PRKN: variants seen among roughly 807,000 people sequenced by gnomAD.
The protein encoded by PRKN is parkin RBR E3 ubiquitin protein ligase.
A neutral mutation model predicts 59.5 loss-of-function variants in PRKN; 56 were observed. The observed-to-expected ratio is 0.94, with a 90% CI of 0.76 to 1.18. The LOEUF (loss-of-function observed/expected upper bound fraction) is 1.18. Ranked by LOEUF, PRKN falls within the 50% of genes most tolerant of loss-of-function variation. The pLI, the probability that PRKN is intolerant of heterozygous loss-of-function variation, is 0.00. For missense variants in PRKN, 657 were observed against 596.4 expected, an observed-to-expected ratio of 1.10 and a Z score of -1.06; for synonymous variants, 250 against 222.1, an observed-to-expected ratio of 1.13 and a Z score of -1.12.
At position 162,469,349 on chromosome 6, in the gene PRKN, C is replaced by CGG. The variant is rs1562787728; in HGVS notation, c.8-25877_8-25876insCC. 8.7e-5 allele frequency among the ~76,000 whole-genome samples: 5 copies of CGG among 57,792 alleles called. 1 individual carries two copies. The South Asian group carries it at 2.6e-3, about 30-fold the overall frequency. 37.9% of individuals were successfully genotyped at this position (57,792 alleles called of 152,430 possible). ...GAATGTTAAGAAAGTGGGGGGGTTG[C>CGG]AGGGGGGGGTGGGTGACAGAGGAAG... On this transcript the variant is annotated intron_variant, in intron 1 of 11. Coordinates refer to ENST00000366898, the MANE Select transcript of PRKN (RefSeq NM_004562.3).
intron 4 of PRKN, among the ~76,000 whole-genome samples, chr6:162,091,295 C>T (rs1231213606): frequency 1.3e-5 from 2 of 151,914 alleles, no homozygotes; most frequent in East Asian, 1.9e-4. Flanking sequence ...TAACTGCCTA[C>T]AAAAAGACAG....
intron 2 of PRKN, among the ~76,000 whole-genome samples, chr6:162,347,370 A>T (rs1024102023): frequency 1.5e-4 from 23 of 151,890 alleles, no homozygotes; most frequent in Middle Eastern, 3.4e-3. Context: ...CTACATTAAT[A>T]ATACCATCTA....
chr6:162,165,794 A>G (rs1348299410), intron 4 of PRKN, among the ~76,000 whole-genome samples: 6 of 151,568 alleles, frequency 4.0e-5, no homozygotes, highest in Non-Finnish European at 7.4e-5. Context: ...CATGCCTGTA[A>G]TCTCAGCACT....
At chr6:162,481,444 G>A (rs1460021214) in intron 1 of PRKN, among the ~76,000 whole-genome samples, 1 of 152,002 alleles carries the variant, frequency 6.6e-6, no homozygotes, top group Admixed American at 6.6e-5. Context: ...CACTACTGGT[G>A]GGGGAAAAAA....
intron 8 of PRKN, among the ~76,000 whole-genome samples, chr6:161,557,322 G>T (rs1234786180): frequency 6.6e-6 from 1 of 152,124 alleles, no homozygotes; most frequent in Non-Finnish European, 1.5e-5. Flanking sequence ...CGTATTTTAA[G>T]AATTTAAATA....
chr6:161,706,713 AC>A (rs1786515810), intron 7 of PRKN, among the ~76,000 whole-genome samples: 1 of 152,102 alleles, frequency 6.6e-6, no homozygotes, highest in South Asian at 2.1e-4. Context: ...GTGTACCACC[AC>A]ACACAGCTAA....
chr6:161,532,162 CTCTCTA>C (rs1448784349), intron 9 of PRKN, among the ~76,000 whole-genome samples: 215 of 83,618 alleles, frequency 2.6e-3, no homozygotes, highest in African/African-American at 7.4e-3. Flanking sequence ...CTCTCTCTCT[CTCTCTA>C]TATATATATA....
At chr6:162,679,105 T>A (rs568881825) in intron 1 of PRKN, among the ~76,000 whole-genome samples, 136 of 150,742 alleles carry the variant, frequency 9.0e-4, no homozygotes, top group African/African-American at 3.2e-3. Context: ...TTTATTTATT[T>A]ATTTATGAAT....
At chr6:161,596,755 A>G (rs1781929135) in intron 7 of PRKN, among the ~76,000 whole-genome samples, 1 of 152,192 alleles carries the variant, frequency 6.6e-6, no homozygotes, top group Non-Finnish European at 1.5e-5. Context: ...CATTAGTTAT[A>G]ACAATGGTTG....
intron 7 of PRKN, among the ~76,000 whole-genome samples, chr6:161,664,793 C>CT (rs60215581): frequency 0.3 from 44,241 of 145,180 alleles, 7,409 homozygotes; most frequent in African/African-American, 0.45. Context: ...CTGACTTTTT[C>CT]TTTTTTTTTT....
intron 7 of PRKN, among the ~76,000 whole-genome samples, chr6:161,586,178 G>C (rs138970305): frequency 1.3e-5 from 2 of 152,182 alleles, no homozygotes; most frequent in East Asian, 3.9e-4. Context: ...ACCATGCCTA[G>C]CTAAGTTTTA....
At chr6:162,606,325 G>A (rs553015653) in intron 1 of PRKN, among the ~76,000 whole-genome samples, 4 of 152,218 alleles carry the variant, frequency 2.6e-5, no homozygotes, top group Admixed American at 6.5e-5. Flanking sequence ...TGCTTAGAGC[G>A]CTTAGATTAT....
chr6:161,450,747 G>T (rs1789698178), intron 9 of PRKN, among the ~76,000 whole-genome samples: 3 of 152,116 alleles, frequency 2.0e-5, no homozygotes, highest in Non-Finnish European at 2.9e-5. Context: ...AGTAGAGACA[G>T]GGTTTCACTG....
At chr6:161,609,279 C>G (rs1042003305) in intron 7 of PRKN, among the ~76,000 whole-genome samples, 6 of 152,200 alleles carry the variant, frequency 3.9e-5, no homozygotes, top group African/African-American at 1.4e-4. Flanking sequence ...AAAAGTGTCT[C>G]ATATATTTCT....
chr6:162,465,129 C>T (rs1229574730), intron 1 of PRKN, among the ~76,000 whole-genome samples: 2 of 152,096 alleles, frequency 1.3e-5, no homozygotes, highest in African/African-American at 4.8e-5. Flanking sequence ...CCCAATTAAC[C>T]AGTCTTACCA....
chr6:162,456,512 ATG>A (rs1790880323), intron 1 of PRKN, among the ~76,000 whole-genome samples: 1 of 127,116 alleles, frequency 7.9e-6, no homozygotes, highest in African/African-American at 2.8e-5. Flanking sequence ...ATTCTTATAC[ATG>A]TTTTTGTTGC....
rs1220361582 is a variant in PRKN at position 162,173,549 on chromosome 6, TTA to T, written c.534+27580_534+27581del. Among the ~76,000 whole-genome samples, 28 of 127,854 alleles carry T rather than the reference TTA, an allele frequency of 2.2e-4. 1 individual carries two copies. The highest frequency in any genetic ancestry group is 7.6e-4 in the South Asian group (3 of 3,958). 83.9% of individuals were successfully genotyped at this position (127,854 alleles called of 152,430 possible). On this transcript the variant is annotated intron_variant, in intron 4 of 11. Coordinates refer to ENST00000366898, the MANE Select transcript of PRKN (RefSeq NM_004562.3). ...TTTGATGCAGCTTTTTTTTTTTTTT[TTA>T]AATTAAACAGACTTTCTCACTAAAT...
chr6:161,991,526 A>C (rs534378311), intron 5 of PRKN, among the ~76,000 whole-genome samples: 1 of 152,284 alleles, frequency 6.6e-6, no homozygotes, highest in African/African-American at 2.4e-5. Flanking sequence ...AAAGATAATA[A>C]ATGGCTAAAT....
intron 3 of PRKN, among the ~76,000 whole-genome samples, chr6:162,223,457 G>A (rs1343958356): frequency 1.3e-5 from 2 of 150,482 alleles, no homozygotes; most frequent in African/African-American, 4.9e-5. Context: ...TGCAGTAATT[G>A]TGACAGGCTG....
Sources: gnomAD v4.1 joint callset for allele counts (sites outside exome capture counted in the v4.1 genomes callset) on GRCh38, gnomAD v4.1.1 for gene constraint, MANE v1.5 for transcripts, NCBI Gene and HGNC (gene_info 2026-07-23, HGNC 2026-07-21) for gene names.